Variants in ESCO2 observed in about 807,000 individuals in gnomAD.
ESCO2 encodes establishment of sister chromatid cohesion N-acetyltransferase 2, also known as N-acetyltransferase ESCO2.
ESCO2 carries 51 observed loss-of-function variants against 61.7 expected under a neutral mutation model. That is an observed-to-expected ratio of 0.83 (90% CI 0.66 to 1.04). The LOEUF (loss-of-function observed/expected upper bound fraction) is 1.04, where lower values mean the gene tolerates loss of function less well. Among genes scored for constraint, ESCO2 ranks in the 50% least tolerant of loss-of-function variants. The pLI is 0.00. For synonymous variants in ESCO2, 230 were observed against 238.2 expected (o/e 0.97, Z 0.32); for missense variants, 692 against 686.2 (o/e 1.01, Z -0.09).
chr8:27,810,845 T>G, downstream of ESCO2: 1 of 726,444 alleles, frequency 1.4e-6, no homozygotes, highest in Non-Finnish European at 2.3e-6. Context: ...GATTAAACCT[T>G]GGTGGTACCA....
chr8:27,818,775 A>C, the ESCO2 span, among the ~76,000 whole-genome samples: 1 of 152,050 alleles, frequency 6.6e-6, no homozygotes, highest in Non-Finnish European at 1.5e-5. Context: ...TGGCTTTTTA[A>C]TGATGGTTTC....
intron 10 of ESCO2, among the ~76,000 whole-genome samples, chr8:27,801,508 T>C (rs1238710265): frequency 6.6e-6 from 1 of 152,206 alleles, no homozygotes; most frequent in Non-Finnish European, 1.5e-5. Context: ...GTTTGATTAG[T>C]TATGAAATAC....
upstream of ESCO2, chr8:27,772,017 CT>C (rs1215951806): frequency 1.9e-5 from 3 of 155,864 alleles, no homozygotes; most frequent in African/African-American, 7.2e-5. Context: ...ATCCCAGGGT[CT>C]TTTTATTGTT....
In ESCO2 at chr8:27,803,161, G is replaced by C. The variant is rs888525360; in HGVS notation, c.1674-145G>C. ...TCCCATCTGTGAAATGATATCATTAGACTTCTGTCTCTAAAATATAAGGCA... is the reference window on the plus strand; with the variant it reads ...TCCCATCTGTGAAATGATATCATTACACTTCTGTCTCTAAAATATAAGGCA... On this transcript the variant is annotated intron_variant, in intron 10 of 10. Coordinates refer to ENST00000305188, the MANE Select transcript of ESCO2 (RefSeq NM_001017420.3). 5.5e-6 allele frequency: 4 copies of C among 724,842 alleles called. No homozygotes were observed. The African/African-American group carries it at 7.1e-5, about 13-fold the overall frequency. The allele number at this position is 724,842 out of a possible 1,614,324, so 44.9% of individuals were successfully genotyped here.
chr8:27,803,464 A>G lies in ESCO2; in HGVS notation c.*26A>G. The G allele has an allele frequency of 6.2e-7, 1 of 1,610,864 alleles. No individual in the cohort carries two copies. The highest frequency in any genetic ancestry group is 8.5e-7 in the Non-Finnish European group (1 of 1,177,496). On this transcript the variant is annotated 3_prime_UTR_variant, in exon 11 of 11. Coordinates refer to ENST00000305188, the MANE Select transcript of ESCO2 (RefSeq NM_001017420.3). ...AGCTGATTTCAGTTATAAAGGAGTT[A>G]CTATCTGGATAAGTTCAAAGAGCTC...
At chr8:27,793,850 A>G (rs1047213276) in intron 9 of ESCO2, among the ~76,000 whole-genome samples, 17 of 152,156 alleles carry the variant, frequency 1.1e-4, no homozygotes, top group Non-Finnish European at 1.5e-5. Context: ...GAACTTACTC[A>G]TGCGAACTTA....
At chr8:27,787,328 G>T (rs1175818858) in intron 5 of ESCO2, among the ~76,000 whole-genome samples, 13 of 145,186 alleles carry the variant, frequency 9.0e-5, no homozygotes, top group East Asian at 8.0e-4. Flanking sequence ...ATATGTTTTT[G>T]TTTTTTTTTT....
chr8:27,777,222 A>G (rs752197732), intron 3 of ESCO2, 53 bp downstream of exon 3: 43 of 1,511,526 alleles, frequency 2.8e-5, no homozygotes, highest in Non-Finnish European at 3.4e-5. Context: ...ACTTCAGTAT[A>G]AATGACATAG....
chr8:27,777,315 ATTTAT>A, intron 3 of ESCO2, 146 bp downstream of exon 3: 4 of 767,042 alleles, frequency 5.2e-6, no homozygotes, highest in Non-Finnish European at 7.9e-6. Context: ...TTATTTATTT[ATTTAT>A]TTTAAGACAG....
rs1458665686 is a variant in ESCO2, at chr8:27,780,160, A to T, written c.862-14A>T. ...ATTACAGATGTTTGGTTTTTTTTTT[A>T]AACCTATTTTCAGGATTCATCAGAT... On this transcript the variant is annotated splice_polypyrimidine_tract_variant and intron_variant, in intron 3 of 10. Coordinates refer to ENST00000305188, the MANE Select transcript of ESCO2 (RefSeq NM_001017420.3). The T allele has an allele frequency of 2.0e-6, 3 of 1,488,486 alleles. No homozygotes were observed. Among genetic ancestry groups the T allele is most frequent in the African/African-American group, 1.4e-5 (1 of 71,470 alleles). The allele number at this position is 1,488,486 out of a possible 1,614,324, so 92.2% of individuals were successfully genotyped here.
chr8:27,808,937 T>C (rs148318063), downstream of ESCO2, among the ~76,000 whole-genome samples: 330 of 152,320 alleles, frequency 2.2e-3, 2 homozygotes, highest in African/African-American at 7.7e-3. Context: ...GTGAATTTGC[T>C]GGTCTTGTCC....
downstream of ESCO2, among the ~76,000 whole-genome samples, chr8:27,814,739 G>A (rs1396453681): frequency 1.3e-5 from 2 of 152,000 alleles, no homozygotes; most frequent in African/African-American, 2.4e-5. Flanking sequence ...AATTTCCCTT[G>A]TCATTTTATT....
chr8:27,772,638 A>C, upstream of ESCO2: 6 of 1,210,372 alleles, frequency 5.0e-6, no homozygotes, highest in Non-Finnish European at 7.0e-6. Flanking sequence ...GGCCCCCGGA[A>C]CTCCTCCGTG....
At chr8:27,810,175 C>T, downstream of ESCO2, 1 of 647,052 alleles carries the variant, frequency 1.5e-6, no homozygotes, top group Non-Finnish European at 2.7e-6. Context: ...AATAGTTATC[C>T]ATATGTTAAC....
downstream of ESCO2, among the ~76,000 whole-genome samples, chr8:27,806,945 TGTTTTAA>T (rs567249298): frequency 3.9e-5 from 6 of 152,280 alleles, no homozygotes; most frequent in South Asian, 1.2e-3. Context: ...TTGGGAAAAG[TGTTTTAA>T]GTTACATCTT....
At chr8:27,775,234 C>G (rs1315108676) in intron 1 of ESCO2, among the ~76,000 whole-genome samples, 1 of 152,138 alleles carries the variant, frequency 6.6e-6, no homozygotes, top group Non-Finnish European at 1.5e-5. Flanking sequence ...TGAAAAGTTA[C>G]AGACGGTCTC....
chr8:27,803,446 T>C lies in ESCO2; in HGVS notation c.*8T>C. Reference sequence around the variant, plus strand: ...TATAATTTTAATAGTTAAAGCTGATTTCAGTTATAAAGGAGTTACTATCTG... The same window carrying C: ...TATAATTTTAATAGTTAAAGCTGATCTCAGTTATAAAGGAGTTACTATCTG... On this transcript the variant is annotated 3_prime_UTR_variant, in exon 11 of 11. Transcript: ENST00000305188. 1 of 1,612,606 alleles carries C rather than the reference T, an allele frequency of 6.2e-7. No individual in the cohort carries two copies. Among genetic ancestry groups the C allele is most frequent in the Non-Finnish European group, 8.5e-7 (1 of 1,178,780 alleles).
downstream of ESCO2, among the ~76,000 whole-genome samples, chr8:27,814,387 A>C (rs558538685): frequency 7.9e-5 from 12 of 152,056 alleles, no homozygotes; most frequent in Non-Finnish European, 1.8e-4. Flanking sequence ...CCCTTTTCTC[A>C]TTCCTGTTGT....
intron 7 of ESCO2, among the ~76,000 whole-genome samples, chr8:27,790,525 T>C (rs1356537896): frequency 6.9e-6 from 1 of 145,150 alleles, no homozygotes; most frequent in Non-Finnish European, 1.5e-5. Flanking sequence ...TTACTTGGAT[T>C]TTTTTAACCT....
Sources: allele counts gnomAD v4.1 joint callset (sites outside exome capture counted in the v4.1 genomes callset), GRCh38; gene constraint gnomAD v4.1.1; transcripts MANE v1.5; gene names NCBI Gene and HGNC (gene_info 2026-07-23, HGNC 2026-07-21).